The following DNAJB1 variants were observed in gnomAD, a reference collection of about 807,000 sequenced individuals.
The protein encoded by DNAJB1 is DnaJ heat shock protein family (Hsp40) member B1, also known as dnaJ homolog subfamily B member 1.
Under a neutral mutation model 24.0 loss-of-function variants are expected in DNAJB1, and 14 were observed. The ratio of observed to expected loss-of-function variants is 0.58; its 90% CI spans 0.39 to 0.91. The LOEUF (loss-of-function observed/expected upper bound fraction) is 0.91. Among genes scored for constraint, DNAJB1 ranks in the 40% least tolerant of loss-of-function variants. The probability of loss-of-function intolerance (pLI) is 0.00; values close to 1 mark genes in which losing one functional copy is unlikely to be tolerated. For synonymous variants in DNAJB1, 262 were observed against 174.4 expected (o/e 1.50, Z -3.96); for missense variants, 517 against 458.1 (o/e 1.13, Z -1.17).
chr19:14,524,333 A>G (rs781510310), intron 2 of DNAJB1, among the ~76,000 whole-genome samples: 2 of 151,964 alleles, frequency 1.3e-5, no homozygotes, highest in Non-Finnish European at 2.9e-5. Flanking sequence ...GTTCCAGATC[A>G]GCCTGGCCCA....
At chr19:14,557,318 T>C (rs1363322795) in intron 1 of DNAJB1, among the ~76,000 whole-genome samples, 1 of 151,074 alleles carries the variant, frequency 6.6e-6, no homozygotes, top group Non-Finnish European at 1.5e-5. Context: ...TTTTTGTATT[T>C]TTATTAGAGA....
chr19:14,543,388 A>AATATATATATATATATATAT (rs777992038), intron 1 of DNAJB1, among the ~76,000 whole-genome samples: 7 of 37,714 alleles, frequency 1.9e-4, no homozygotes, highest in Non-Finnish European at 2.5e-4. Context: ...TGTTTCAGAG[A>AATATATATATATATATATAT]ATATATATAT....
intron 2 of DNAJB1, among the ~76,000 whole-genome samples, chr19:14,526,401 TC>T (rs2072426203): frequency 6.6e-6 from 1 of 152,184 alleles, no homozygotes; most frequent in Admixed American, 6.5e-5. Context: ...AGGGTGGGTT[TC>T]ATTTCTGCTG....
intron 1 of DNAJB1, among the ~76,000 whole-genome samples, chr19:14,548,121 C>G (rs982443362): frequency 2.0e-5 from 3 of 151,886 alleles, no homozygotes; most frequent in Non-Finnish European, 4.4e-5. Context: ...CACCACCATG[C>G]CCAGCTAATT....
At chr19:14,528,282 C>T (rs1194831855) in intron 1 of DNAJB1, among the ~76,000 whole-genome samples, 2 of 147,238 alleles carry the variant, frequency 1.4e-5, no homozygotes, top group Non-Finnish European at 3.0e-5. Context: ...GTCTGTTGCT[C>T]AGGCTGGAGT....
At chr19:14,540,557 A>G (rs1440861109) in intron 1 of DNAJB1, among the ~76,000 whole-genome samples, 5 of 150,932 alleles carry the variant, frequency 3.3e-5, no homozygotes. Context: ...ACACCCCACT[A>G]ATTTTTGTAT....
rs371405566 is a variant in DNAJB1 at position 14,518,392 on chromosome 19, G to C, written c.-43C>G. 2 of 1,514,726 alleles carry C rather than the reference G, an allele frequency of 1.3e-6. No individual in the cohort carries two copies. Among genetic ancestry groups the C allele is most frequent in the African/African-American group, 1.4e-5 (1 of 71,360 alleles). The allele number at this position is 1,514,726 out of a possible 1,614,324, so 93.8% of individuals were successfully genotyped here. On this transcript the variant is annotated 5_prime_UTR_variant, in exon 1 of 3. Transcript: ENST00000254322. ...CGCCGACCCGCTGTCGCCGTCCCCCGGCTCCGCCGCCGACCAGTCCCGGAC... is the reference window on the plus strand; with the variant it reads ...CGCCGACCCGCTGTCGCCGTCCCCCCGCTCCGCCGCCGACCAGTCCCGGAC...
intron 1 of DNAJB1, among the ~76,000 whole-genome samples, chr19:14,528,088 T>C (rs930515713): frequency 9.2e-5 from 14 of 151,758 alleles, no homozygotes; most frequent in African/African-American, 3.4e-4. Flanking sequence ...TTCACCACGT[T>C]GTCCAGGCTG....
At chr19:14,517,411 G>A (rs2072288687) in intron 1 of DNAJB1, 1 of 212,142 alleles carries the variant, frequency 4.7e-6, no homozygotes, top group Non-Finnish European at 9.3e-6. Flanking sequence ...AACGTTTTAG[G>A]GCTAATGGTG....
At chr19:14,552,757 T>C (rs6511938), upstream of DNAJB1, among the ~76,000 whole-genome samples, 125,414 of 151,674 alleles carry the variant, frequency 0.83, 52,802 homozygotes, top group African/African-American at 0.95. Flanking sequence ...AGGATGGTCT[T>C]GATCTCCTGA....
chr19:14,548,988 T>G (rs762470923), intron 1 of DNAJB1, among the ~76,000 whole-genome samples: 2 of 151,550 alleles, frequency 1.3e-5, no homozygotes, highest in Non-Finnish European at 2.9e-5. Context: ...GAATTTAATT[T>G]TCACATATCA....
chr19:14,516,790 G>C lies in DNAJB1; in HGVS notation c.468C>G (p.Ala156=). The change falls in exon 2 of 3, where the codon GCC becomes GCG. Residue 156 remains alanine, a synonymous_variant. Coordinates refer to ENST00000254322, the MANE Select transcript of DNAJB1 (RefSeq NM_006145.3). ...TGACTGGGGGATCTTGCTTCTTTCG[G>C]GCGGGCTCTTGGGCAGAGCGGGAGC... ...FGRSRSAQEP[A]RKKQDPPVTH... The C allele has an allele frequency of 6.2e-7, 1 of 1,613,886 alleles. No individual in the cohort carries two copies.
chr19:14,528,426 G>A (rs1599391861), intron 1 of DNAJB1, among the ~76,000 whole-genome samples: 1 of 151,148 alleles, frequency 6.6e-6, no homozygotes, highest in Non-Finnish European at 1.5e-5. Flanking sequence ...TTTTAGTAGC[G>A]ATGAGGTTTC....
intron 1 of DNAJB1, among the ~76,000 whole-genome samples, chr19:14,547,661 A>ATT (rs71166755): frequency 0.031 from 4,421 of 142,976 alleles, 121 homozygotes; most frequent in South Asian, 0.11. Context: ...TGTACCTAAT[A>ATT]TTTTTTTTTT....
At chr19:14,531,993 A>G (rs1189004109), upstream of DNAJB1, 1 of 148,366 alleles carries the variant, frequency 6.7e-6, no homozygotes, top group Non-Finnish European at 1.5e-5. Flanking sequence ...CCTGGGCAAC[A>G]GAGACCCTGT....
intron 2 of DNAJB1, 52 bp from the exon 3 acceptor site, chr19:14,516,222 C>A: frequency 6.2e-7 from 1 of 1,600,450 alleles, no homozygotes; most frequent in Middle Eastern, 1.7e-4. Flanking sequence ...AGAGGCTCAG[C>A]TCTTGCCCAG....
chr19:14,531,583 C>G (rs1050308615), upstream of DNAJB1: 1 of 151,994 alleles, frequency 6.6e-6, no homozygotes, highest in African/African-American at 2.4e-5. Flanking sequence ...CCACCATGCC[C>G]GGCTAATTTT....
upstream of DNAJB1, chr19:14,529,656 C>G: frequency 6.2e-7 from 1 of 1,613,760 alleles, no homozygotes; most frequent in Non-Finnish European, 8.5e-7. Flanking sequence ...CGCAGTTAGG[C>G]AGCAGCAGCC....
intron 1 of DNAJB1, among the ~76,000 whole-genome samples, chr19:14,537,938 G>T (rs2072962218): frequency 6.6e-6 from 1 of 152,012 alleles, no homozygotes; most frequent in Non-Finnish European, 1.5e-5. Flanking sequence ...TAGAGATGGG[G>T]TTTCACCATG....
Sources: gnomAD v4.1 joint callset for allele counts (sites outside exome capture counted in the v4.1 genomes callset) on GRCh38, gnomAD v4.1.1 for gene constraint, MANE v1.5 for transcripts, NCBI Gene and HGNC (gene_info 2026-07-23, HGNC 2026-07-21) for gene names.